LNX1: variants seen among roughly 807,000 people sequenced by gnomAD.
LNX1 encodes the protein E3 ubiquitin-protein ligase LNX.
Under a neutral mutation model 68.4 loss-of-function variants are expected in LNX1, and 54 were observed. The observed-to-expected ratio is 0.79, with a 90% CI of 0.63 to 0.99. LNX1 has a LOEUF of 0.99. Ranked by LOEUF, LNX1 falls within the 50% of genes least tolerant of loss-of-function variation. The pLI, the probability that LNX1 is intolerant of heterozygous loss-of-function variation, is 0.00. For synonymous variants in LNX1, 336 were observed against 350.0 expected (o/e 0.96, Z 0.45); for missense variants, 906 against 926.4 (o/e 0.98, Z 0.29).
At position 53,550,251 on chromosome 4, in the gene LNX1, C is replaced by T. The variant is rs116109212; in HGVS notation, c.380+23372G>A. 3.7e-3 allele frequency among the ~76,000 whole-genome samples: 565 copies of T among 152,306 alleles called. 2 individuals carry two copies. The highest frequency in any genetic ancestry group is 0.013 in the African/African-American group (539 of 41,560). ...AATGCCCTGTTAAACATGTGCTGAA[C>T]TGAAATGCTTCGAGAGTCATTGAGC... On this transcript the variant is annotated intron_variant, in intron 2 of 10. Transcript: ENST00000263925.
rs1721656789 is a variant in LNX1, at chr4:53,460,269, C to CTT, written c.*636_*637dup. On this transcript the variant is annotated 3_prime_UTR_variant, in exon 11 of 11. Transcript: ENST00000263925. ...TGGAAAAAAAGAGCTTTAGCCATTT[C>CTT]TTACTAAAAACAAAACAAGTTTATA... The CTT allele has an allele frequency of 5.2e-6, 1 of 192,048 alleles. No homozygotes were observed. Among genetic ancestry groups the CTT allele is most frequent in the East Asian group, 8.3e-5 (1 of 12,044 alleles). 11.9% of individuals were successfully genotyped at this position (192,048 alleles called of 1,614,324 possible). A position where few individuals can be genotyped will look rare whatever the true frequency, so the allele number is the denominator to read the frequency against.
At chr4:53,651,095 C>G (rs935616114) in intron 1 of LNX1, among the ~76,000 whole-genome samples, 2 of 152,132 alleles carry the variant, frequency 1.3e-5, no homozygotes, top group African/African-American at 4.8e-5. Flanking sequence ...GAAGTAGAAC[C>G]AAGAATCAAG....
intron 1 of LNX1, among the ~76,000 whole-genome samples, chr4:53,587,646 G>A (rs1205085794): frequency 1.3e-5 from 2 of 152,020 alleles, no homozygotes; most frequent in Non-Finnish European, 2.9e-5. Context: ...TCGTATCCTG[G>A]TCAAGAGAGT....
intron 6 of LNX1, among the ~76,000 whole-genome samples, chr4:53,493,773 G>A (rs1054619188): frequency 1.3e-5 from 2 of 152,204 alleles, no homozygotes; most frequent in African/African-American, 4.8e-5. Context: ...TCACTAAGTG[G>A]AAGTTGACAT....
chr4:53,605,437 TG>T (rs1733189335), intron 2 of LNX1, among the ~76,000 whole-genome samples: 2 of 151,234 alleles, frequency 1.3e-5, no homozygotes, highest in African/African-American at 4.9e-5. Context: ...TGTATGGGGG[TG>T]GGGGGTAAAG....
At chr4:53,601,755 C>A (rs758359121) in intron 2 of LNX1, among the ~76,000 whole-genome samples, 1 of 152,122 alleles carries the variant, frequency 6.6e-6, no homozygotes, top group Non-Finnish European at 1.5e-5. Flanking sequence ...GAGGCTCCAG[C>A]TCTACTTTCA....
chr4:53,480,211 A>C (rs1034857853), intron 7 of LNX1, among the ~76,000 whole-genome samples: 21 of 152,330 alleles, frequency 1.4e-4, no homozygotes, highest in African/African-American at 5.1e-4. Flanking sequence ...TTTTGTGAGG[A>C]TATTTCAGAA....
chr4:53,576,467 A>G (rs1560677100), intron 1 of LNX1: 2 of 1,376,466 alleles, frequency 1.5e-6, no homozygotes, highest in East Asian at 2.6e-5. Flanking sequence ...GACTCTTCCC[A>G]GGACAGCCCT....
Position 53,460,852 on chromosome 4 carries a change from T to TCAA in LNX1, c.*52_*54dup. The TCAA allele has an allele frequency of 6.8e-7, 1 of 1,481,076 alleles. No individual in the cohort carries two copies. Among genetic ancestry groups the TCAA allele is most frequent in the South Asian group, 1.3e-5 (1 of 78,954 alleles). 91.7% of individuals were successfully genotyped at this position (1,481,076 alleles called of 1,614,324 possible). ...AAACTGACAAGATAAATATAGTGTT[T>TCAA]CAACTTCTTAGCCTATTTGTGATTT... On this transcript the variant is annotated 3_prime_UTR_variant, in exon 11 of 11. Transcript: ENST00000263925.
intron 1 of LNX1, chr4:53,575,789 G>A: frequency 6.4e-7 from 1 of 1,573,326 alleles, no homozygotes; most frequent in Non-Finnish European, 8.6e-7. Context: ...AGTTTCTTGG[G>A]GGCCCAGCTT....
At chr4:53,597,582 A>C (rs1299025679) in intron 2 of LNX1, among the ~76,000 whole-genome samples, 1 of 152,042 alleles carries the variant, frequency 6.6e-6, no homozygotes, top group Non-Finnish European at 1.5e-5. Flanking sequence ...TTGGGTTTGC[A>C]CCTCTCTTTC....
rs563198537 is a variant in LNX1, at chr4:53,629,232, C to T, written c.-215+22936G>A. ...TTGTCTGGATTGATTAGGGGGCTAC[C>T]GAAATAGAGGGGTGGCTAAAGGTCC... On this transcript the variant is annotated intron_variant, in intron 1 of 2. Coordinates refer to the LNX1 transcript ENST00000507168. Among the ~76,000 whole-genome samples, 8 of 152,178 alleles carry T rather than the reference C, an allele frequency of 5.3e-5. No individual in the cohort carries two copies. In the South Asian group the frequency reaches 1.5e-3, roughly 28 times the overall value.
chr4:53,552,128 C>A (rs1729555183), intron 2 of LNX1, among the ~76,000 whole-genome samples: 1 of 152,186 alleles, frequency 6.6e-6, no homozygotes, highest in Non-Finnish European at 1.5e-5. Flanking sequence ...AAGAGCGCAT[C>A]ATTTCCTGGC....
At chr4:53,548,963 T>C (rs1729305990) in intron 2 of LNX1, among the ~76,000 whole-genome samples, 2 of 152,118 alleles carry the variant, frequency 1.3e-5, no homozygotes, top group African/African-American at 4.8e-5. Context: ...GGGAGCTGAA[T>C]GGTAAGAACT....
At chr4:53,486,301 GC>G (rs11296034) in intron 6 of LNX1, among the ~76,000 whole-genome samples, 58,991 of 151,840 alleles carry the variant, frequency 0.39, 12,207 homozygotes, top group South Asian at 0.57. Flanking sequence ...GCGCACTACA[GC>G]CCCAGAGCTC....
At chr4:53,550,733 G>T (rs919735219) in intron 2 of LNX1, among the ~76,000 whole-genome samples, 13 of 151,878 alleles carry the variant, frequency 8.6e-5, no homozygotes, top group African/African-American at 2.9e-4. Flanking sequence ...TTTTAAAAAG[G>T]CACTTCCCCA....
intron 1 of LNX1, among the ~76,000 whole-genome samples, chr4:53,583,248 A>G (rs770335898): frequency 7.9e-5 from 12 of 152,176 alleles, no homozygotes; most frequent in Admixed American, 7.9e-4. Context: ...CTCATGTAAT[A>G]GGGAAGAATT....
intron 9 of LNX1, among the ~76,000 whole-genome samples, chr4:53,464,649 G>A (rs903837764): frequency 2.6e-5 from 4 of 152,022 alleles, no homozygotes; most frequent in African/African-American, 7.2e-5. Context: ...ATATAAGTGA[G>A]GTTGCTTACT....
chr4:53,542,194 G>A lies in LNX1; in HGVS notation c.380+31429C>T, dbSNP rs145317292. Among the ~76,000 whole-genome samples, 703 of 152,252 alleles carry A rather than the reference G, an allele frequency of 4.6e-3. 1 individual carries two copies. The highest frequency in any genetic ancestry group is 0.024 in the Middle Eastern group (7 of 292). On this transcript the variant is annotated intron_variant, in intron 2 of 10. Coordinates refer to ENST00000263925, the MANE Select transcript of LNX1 (RefSeq NM_001126328.3). ...TGCAATTGTCAGCTTGAAAAATTGGGAATAACTATTAGGAAAGTAAAATTG... is the reference window on the plus strand; with the variant it reads ...TGCAATTGTCAGCTTGAAAAATTGGAAATAACTATTAGGAAAGTAAAATTG...
Sources: allele counts gnomAD v4.1 joint callset (sites outside exome capture counted in the v4.1 genomes callset), GRCh38; gene constraint gnomAD v4.1.1; transcripts MANE v1.5; gene names NCBI Gene and HGNC (gene_info 2026-07-23, HGNC 2026-07-21).